The following LMBR1 variants were observed in gnomAD, a reference collection of about 807,000 sequenced individuals.
The protein encoded by LMBR1 is limb region 1 protein homolog.
In LMBR1, 52 loss-of-function variants were observed where a neutral mutation model predicts 73.9. The observed-to-expected ratio is 0.70, with a 90% CI of 0.56 to 0.89. LMBR1 has a LOEUF of 0.89. LMBR1 is among the 40% of genes least tolerant of loss of function. LMBR1 has a pLI of 0.00. For synonymous variants in LMBR1, 215 were observed against 209.4 expected (o/e 1.03, Z -0.23); for missense variants, 539 against 579.8 (o/e 0.93, Z 0.72).
intron 5 of LMBR1, among the ~76,000 whole-genome samples, chr7:156,787,886 C>A (rs1828438280): frequency 6.6e-6 from 1 of 152,214 alleles, no homozygotes. Context: ...GAGCGATTCT[C>A]CTGCCTCAGC....
At chr7:156,789,874 A>G (rs1176302256) in intron 5 of LMBR1, among the ~76,000 whole-genome samples, 1 of 151,006 alleles carries the variant, frequency 6.6e-6, no homozygotes, top group African/African-American at 2.5e-5. Context: ...CTATTTCTAT[A>G]AAACTGTTTC....
rs1439189817 is a variant in LMBR1, at chr7:156,685,652, T to C, written c.1388-1489A>G. 6.6e-6 allele frequency among the ~76,000 whole-genome samples: 1 copy of C among 152,234 alleles called. No homozygotes were observed. The highest frequency in any genetic ancestry group is 1.9e-4 in the East Asian group (1 of 5,204). On this transcript the variant is annotated intron_variant, in intron 16 of 16. Transcript: ENST00000353442. This position sits in a 1 kb window ranked among gnomAD's most constrained non-coding sequence, Gnocchi z 4.1. The stretch of plus-strand genomic sequence containing the variant: ...GCCACGCCACTGCTGGCAGAAACGG[T>C]TCAGCTCCATGATCATCTGCTGTGG...
intron 15 of LMBR1, among the ~76,000 whole-genome samples, chr7:156,690,914 G>C (rs1449351980): frequency 6.6e-6 from 1 of 152,006 alleles, no homozygotes; most frequent in East Asian, 1.9e-4. Flanking sequence ...TTTCTGGCAT[G>C]GCAATAATTA....
intron 4 of LMBR1, among the ~76,000 whole-genome samples, chr7:156,804,520 A>C (rs907813826): frequency 3.9e-5 from 6 of 152,196 alleles, no homozygotes; most frequent in African/African-American, 1.2e-4. Context: ...CCACATTTTC[A>C]CTAAAAATAA....
chr7:156,824,738 G>A (rs1036869285), intron 4 of LMBR1, among the ~76,000 whole-genome samples: 1 of 152,026 alleles, frequency 6.6e-6, no homozygotes, highest in Non-Finnish European at 1.5e-5. Flanking sequence ...CCAGCTACCT[G>A]GGAGGCTGAG....
chr7:156,868,611 C>A (rs1442318616), intron 1 of LMBR1, among the ~76,000 whole-genome samples: 3 of 151,726 alleles, frequency 2.0e-5, no homozygotes, highest in Non-Finnish European at 4.4e-5. Flanking sequence ...TGCAGTGAGC[C>A]TAGATGGTGC....
intron 9 of LMBR1, among the ~76,000 whole-genome samples, chr7:156,751,490 A>G (rs1007341798): frequency 1.3e-5 from 2 of 152,146 alleles, no homozygotes; most frequent in Non-Finnish European, 2.9e-5. Context: ...TGAAACAGAA[A>G]CCATCATCTG....
intron 4 of LMBR1, among the ~76,000 whole-genome samples, chr7:156,802,477 G>C: frequency 6.6e-6 from 1 of 152,174 alleles, no homozygotes; most frequent in South Asian, 2.1e-4. Context: ...AATGTTAACA[G>C]GAAAAGACTC....
intron 4 of LMBR1, among the ~76,000 whole-genome samples, chr7:156,797,010 G>A (rs112735543): frequency 0.032 from 4,838 of 152,226 alleles, 122 homozygotes; most frequent in South Asian, 0.085. Flanking sequence ...AATCCCATGA[G>A]GCAGGTAGCA....
In LMBR1 at chr7:156,788,183, C is replaced by A. The variant is rs1828498401; in HGVS notation, c.423+8206G>T. ...GGTACAGTAGCTCAAGCCTGGAATC[C>A]CAGCATTTTGGGAAGTCAAGGTGGG... On this transcript the variant is annotated intron_variant, in intron 5 of 16. Coordinates refer to ENST00000353442, the MANE Select transcript of LMBR1 (RefSeq NM_022458.4). Among the ~76,000 whole-genome samples, 4 of 152,156 alleles carry A rather than the reference C, an allele frequency of 2.6e-5. No homozygotes were observed. The South Asian group carries it at 8.3e-4, about 32-fold the overall frequency.
At chr7:156,743,686 G>C (rs1472347336) in intron 9 of LMBR1, among the ~76,000 whole-genome samples, 2 of 151,954 alleles carry the variant, frequency 1.3e-5, no homozygotes, top group African/African-American at 4.8e-5. Context: ...TGAAACTTTA[G>C]TTTATCCTTT....
At chr7:156,824,151 CG>C (rs1563457372) in intron 4 of LMBR1, among the ~76,000 whole-genome samples, 3 of 151,800 alleles carry the variant, frequency 2.0e-5, no homozygotes, top group African/African-American at 7.3e-5. Context: ...CACGCGCGCG[CG>C]CTGAAAAAAT....
chr7:156,775,303 G>A (rs1825925480), intron 5 of LMBR1, among the ~76,000 whole-genome samples: 1 of 152,272 alleles, frequency 6.6e-6, no homozygotes, highest in Non-Finnish European at 1.5e-5. Context: ...GGGAGGAGGA[G>A]GTTGCAGTGA....
chr7:156,763,806 G>C lies in LMBR1; in HGVS notation c.424-11C>G, dbSNP rs1823580657. ...GCGGGCTCGGATTCCCTGAAAAATA[G>C]AGTAGAAATATAATTTTAGTATTTT... On this transcript the variant is annotated splice_polypyrimidine_tract_variant and intron_variant, in intron 5 of 16. Coordinates refer to ENST00000353442, the MANE Select transcript of LMBR1 (RefSeq NM_022458.4). 6.3e-7 allele frequency: 1 copy of C among 1,577,588 alleles called. No homozygotes were observed. Among genetic ancestry groups the C allele is most frequent in the Admixed American group, 2.0e-5 (1 of 49,584 alleles).
chr7:156,848,063 TAAA>T (rs1363349284), intron 1 of LMBR1, among the ~76,000 whole-genome samples: 1 of 139,786 alleles, frequency 7.2e-6, no homozygotes. Flanking sequence ...CATTCAACAC[TAAA>T]AAAAAAAAAA....
chr7:156,840,656 G>A (rs1838501080), intron 1 of LMBR1, among the ~76,000 whole-genome samples: 1 of 151,860 alleles, frequency 6.6e-6, no homozygotes, highest in Non-Finnish European at 1.5e-5. Flanking sequence ...CACTATAAGT[G>A]CTATGCAGAA....
Position 156,803,361 on chromosome 7 carries a change from CA to C in LMBR1, c.320-6870del, listed in dbSNP as rs533639978. On this transcript the variant is annotated intron_variant, in intron 4 of 16. Coordinates refer to ENST00000353442, the MANE Select transcript of LMBR1 (RefSeq NM_022458.4). ...GCGAAGGATATGAACAGACACTTCT[CA>C]AAAGAAGACATTTATGCAGCCAAAA... is the stretch of plus-strand genomic sequence containing the variant. Among the ~76,000 whole-genome samples, 1,230 of 151,938 alleles carry C rather than the reference CA, an allele frequency of 8.1e-3. 5 individuals carry two copies. The highest frequency in any genetic ancestry group is 0.014 in the Middle Eastern group (4 of 294).
intron 5 of LMBR1, among the ~76,000 whole-genome samples, chr7:156,768,343 C>T (rs1824522642): frequency 6.6e-6 from 1 of 151,734 alleles, no homozygotes; most frequent in African/African-American, 2.4e-5. Context: ...GCCTGGGCAA[C>T]AGAGTGACTC....
At chr7:156,675,700 C>T (rs752294461), downstream of LMBR1, 10 of 1,604,814 alleles carry the variant, frequency 6.2e-6, no homozygotes, top group East Asian at 2.2e-4. Context: ...CCTCAGTTCA[C>T]AGAAATCAGC....
Sources: gnomAD v4.1 joint callset for allele counts (sites outside exome capture counted in the v4.1 genomes callset) on GRCh38, gnomAD v4.1.1 for gene constraint, Gnocchi (gnomAD v3.1) non-coding constraint, MANE v1.5 for transcripts, NCBI Gene and HGNC (gene_info 2026-07-23, HGNC 2026-07-21) for gene names.